Variants in RANBP2 observed in about 807,000 individuals in gnomAD.
RANBP2 encodes E3 SUMO-protein ligase RanBP2.
A neutral mutation model predicts 303.6 loss-of-function variants in RANBP2; 57 were observed. That is an observed-to-expected ratio of 0.19 (90% CI 0.15 to 0.23). The LOEUF (loss-of-function observed/expected upper bound fraction) is 0.23. RANBP2 is among the 10% of genes least tolerant of loss of function. The pLI is 1.00. For synonymous variants in RANBP2, 1,167 were observed against 1,301.5 expected, an observed-to-expected ratio of 0.90 and a Z score of 2.23; for missense variants, 3,138 against 3,780.8, an observed-to-expected ratio of 0.83 and a Z score of 4.46.
At chr2:109,113,072 C>G in the RANBP2 span, among the ~76,000 whole-genome samples, 6 of 152,276 alleles carry the variant, frequency 3.9e-5, no homozygotes, top group Middle Eastern at 3.4e-3. Flanking sequence ...TAGTGTGATG[C>G]CTCCAGCTTT....
chr2:109,230,535 G>A, the RANBP2 span, among the ~76,000 whole-genome samples: 1 of 152,110 alleles, frequency 6.6e-6, no homozygotes, highest in Non-Finnish European at 1.5e-5. Context: ...AGCTGAGATA[G>A]TACCACTGCA....
the RANBP2 span, among the ~76,000 whole-genome samples, chr2:109,471,305 C>G: frequency 6.6e-6 from 1 of 151,526 alleles, no homozygotes; most frequent in African/African-American, 2.4e-5. Context: ...GCTGGGGGTG[C>G]CACAGGAAAC....
the RANBP2 span, among the ~76,000 whole-genome samples, chr2:109,332,169 C>T: frequency 6.6e-6 from 1 of 152,164 alleles, no homozygotes; most frequent in East Asian, 1.9e-4. Flanking sequence ...GAGAGGGAAG[C>T]ATCTGCGGCC....
the RANBP2 span, among the ~76,000 whole-genome samples, chr2:108,974,506 T>C: frequency 3.3e-5 from 5 of 150,036 alleles, no homozygotes; most frequent in Admixed American, 6.6e-5. Context: ...CCAAGGGGGG[T>C]GGATCACCAG....
chr2:108,772,678 C>A, intron 22 of RANBP2, 97 bp downstream of exon 22: 1 of 1,309,538 alleles, frequency 7.6e-7, no homozygotes, highest in Non-Finnish European at 1.1e-6. Context: ...ATCGATTTTA[C>A]GATGCCCATG....
chr2:108,818,105 A>G, the RANBP2 span, among the ~76,000 whole-genome samples: 1 of 152,114 alleles, frequency 6.6e-6, no homozygotes, highest in East Asian at 1.9e-4. Context: ...TAGGGGTTTG[A>G]GATCAGCTTT....
chr2:109,656,158 C>T, the RANBP2 span, among the ~76,000 whole-genome samples: 1 of 152,302 alleles, frequency 6.6e-6, no homozygotes, highest in East Asian at 1.9e-4. Context: ...TGCTACTGCA[C>T]CATGAGCCAC....
chr2:108,753,228 A>G, intron 13 of RANBP2, 69 bp downstream of exon 13: 1 of 1,609,108 alleles, frequency 6.2e-7, no homozygotes, highest in Non-Finnish European at 8.5e-7. Flanking sequence ...ACATAGAGCT[A>G]TACACTGCTT....
At chr2:108,898,398 T>G in the RANBP2 span, among the ~76,000 whole-genome samples, 3 of 152,168 alleles carry the variant, frequency 2.0e-5, no homozygotes, top group African/African-American at 7.2e-5. Context: ...AGTGGGGAAT[T>G]TGGATGTCTA....
chr2:108,827,866 T>C, the RANBP2 span, among the ~76,000 whole-genome samples: 3 of 151,774 alleles, frequency 2.0e-5, no homozygotes. Flanking sequence ...TACATACTTT[T>C]GGATCACTGT....
chr2:109,283,238 T>C, the RANBP2 span, among the ~76,000 whole-genome samples: 1 of 152,198 alleles, frequency 6.6e-6, no homozygotes, highest in African/African-American at 2.4e-5. Flanking sequence ...TCTCCCGCTC[T>C]GGGTGCTTGG....
chr2:109,200,502 C>T, the RANBP2 span, among the ~76,000 whole-genome samples: 714 of 152,216 alleles, frequency 4.7e-3, 5 homozygotes, highest in African/African-American at 0.015. Flanking sequence ...GCTCAGTCGG[C>T]GGGTCCAAGC....
At chr2:109,585,423 G>T in the RANBP2 span, 1 of 989,394 alleles carries the variant, frequency 1.0e-6, no homozygotes, top group Non-Finnish European at 1.5e-6. Flanking sequence ...ATATTTCAAA[G>T]GCCAGGGTGC....
the RANBP2 span, among the ~76,000 whole-genome samples, chr2:108,815,311 C>T: frequency 4.0e-5 from 6 of 151,780 alleles, no homozygotes; most frequent in East Asian, 9.7e-4. Flanking sequence ...ACTTTTTTTC[C>T]ATCTTATCAA....
chr2:109,381,967 A>G, the RANBP2 span, among the ~76,000 whole-genome samples: 2 of 152,100 alleles, frequency 1.3e-5, no homozygotes, highest in African/African-American at 4.8e-5. Flanking sequence ...ATGAGGTGGA[A>G]TTTGGCTCTT....
chr2:109,199,269 C>G, the RANBP2 span, among the ~76,000 whole-genome samples: 1 of 30,638 alleles, frequency 3.3e-5, no homozygotes. Flanking sequence ...TTGCAGTGAG[C>G]CGAGATCATG....
chr2:108,732,243 G>T (rs1180947474), intron 4 of RANBP2, among the ~76,000 whole-genome samples: 5 of 152,058 alleles, frequency 3.3e-5, no homozygotes, highest in African/African-American at 4.8e-5. Context: ...TGCACAGGAA[G>T]TTGCAAAGAT....
chr2:109,211,395 G>A, the RANBP2 span, among the ~76,000 whole-genome samples: 1 of 152,358 alleles, frequency 6.6e-6, no homozygotes, highest in Non-Finnish European at 1.5e-5. Context: ...ATCAGGAGGT[G>A]TTATAAACAG....
chr2:109,350,155 C>T, the RANBP2 span, among the ~76,000 whole-genome samples: 1 of 152,216 alleles, frequency 6.6e-6, no homozygotes, highest in Non-Finnish European at 1.5e-5. Flanking sequence ...AGCCATCAGG[C>T]TTAGACTCAT....
Sources: allele counts gnomAD v4.1 joint callset (sites outside exome capture counted in the v4.1 genomes callset), GRCh38; gene constraint gnomAD v4.1.1; transcripts MANE v1.5; gene names NCBI Gene and HGNC (gene_info 2026-07-23, HGNC 2026-07-21).